NQO2: variants seen among roughly 807,000 people sequenced by gnomAD.
NQO2 encodes the protein N-ribosyldihydronicotinamide:quinone dehydrogenase 2.
Under a neutral mutation model 22.0 loss-of-function variants are expected in NQO2, and 18 were observed. The ratio of observed to expected loss-of-function variants is 0.82; its 90% CI spans 0.56 to 1.21. NQO2 has a LOEUF of 1.21. Ranked by LOEUF, NQO2 falls within the 50% of genes most tolerant of loss-of-function variation. The probability of loss-of-function intolerance (pLI) is 0.00; values close to 1 mark genes in which losing one functional copy is unlikely to be tolerated. For synonymous variants in NQO2, 106 were observed against 110.8 expected, an observed-to-expected ratio of 0.96 and a Z score of 0.28; for missense variants, 267 against 286.9, an observed-to-expected ratio of 0.93 and a Z score of 0.50.
chr6:3,010,189 G>A lies in NQO2; in HGVS notation c.172G>A (p.Gly58Ser). 3 of 1,604,248 alleles carry A rather than the reference G, an allele frequency of 1.9e-6. No homozygotes were observed. The highest frequency in any genetic ancestry group is 2.6e-6 in the Non-Finnish European group (3 of 1,175,086). The change falls in exon 3 of 7, where the codon GGT becomes AGT. Residue 58 changes from glycine (G) to serine (S), a missense_variant and splice_region_variant. Transcript: ENST00000380455. ...GAGGGCCACAGACAAAGATATCACT[G>A]GTGAGTCATGGGATAAATGCTCTAT... The part of the protein sequence containing the change: ...EPRATDKDIT[G>S]TLSNPEVFNY...
chr6:3,006,508 C>A lies in NQO2; in HGVS notation c.-45C>A. ...GAAGAGAGACTACGCAGGAAAGCCC[C>A]AGCCACCCATCAAATCAGAGAGAAG... is the stretch of plus-strand genomic sequence containing the variant. On this transcript the variant is annotated 5_prime_UTR_variant, in exon 2 of 7. Coordinates refer to ENST00000380455, the MANE Select transcript of NQO2 (RefSeq NM_000904.6). The surrounding 1 kb of genome is among the most constrained non-coding windows in gnomAD (Gnocchi z 4.0). 1 of 1,612,948 alleles carries A rather than the reference C, an allele frequency of 6.2e-7. No homozygotes were observed. Among genetic ancestry groups the A allele is most frequent in the South Asian group, 1.1e-5 (1 of 90,804 alleles).
At chr6:3,017,108 A>G in intron 6 of NQO2, 123 bp downstream of exon 6, 1 of 1,103,910 alleles carries the variant, frequency 9.1e-7, no homozygotes, top group Admixed American at 2.1e-5. Context: ...GAGGGGTGAG[A>G]TGAGATGGGA....
intron 6 of NQO2, 52 bp from the exon 7 acceptor site, chr6:3,019,427 T>A: frequency 6.4e-7 from 1 of 1,559,812 alleles, no homozygotes; most frequent in Non-Finnish European, 8.7e-7. Flanking sequence ...AACTGAATGG[T>A]ATGTAACAGG....
In NQO2 at chr6:3,012,946, C is replaced by CTTTTTTTTTTTTTTTTTTTTTTTT. The variant is rs751626888; in HGVS notation, c.303+276_303+299dup. Among the ~76,000 whole-genome samples, 4 of 60,704 alleles carry CTTTTTTTTTTTTTTTTTTTTTTTT rather than the reference C, an allele frequency of 6.6e-5. 1 individual carries two copies. The highest frequency in any genetic ancestry group is 9.1e-5 in the Non-Finnish European group (3 of 32,858). 39.8% of individuals were successfully genotyped at this position (60,704 alleles called of 152,430 possible). On this transcript the variant is annotated intron_variant, in intron 4 of 6. Transcript: ENST00000380455. ...AACACTGTACGTAGATGTAACACTA[C>CTTTTTTTTTTTTTTTTTTTTTTTT]TTTTTTTTTTTTTTTTTTTTTTTTT...
Position 3,010,201 on chromosome 6 carries a change from G to A in NQO2, c.172+12G>A. The A allele has an allele frequency of 1.3e-6, 2 of 1,558,336 alleles. No individual in the cohort carries two copies. The highest frequency in any genetic ancestry group is 1.2e-5 in the South Asian group (1 of 83,816). ...CAAAGATATCACTGGTGAGTCATGG[G>A]ATAAATGCTCTATTTATAAAAACCA... On this transcript the variant is annotated intron_variant, in intron 3 of 6. Coordinates refer to ENST00000380455, the MANE Select transcript of NQO2 (RefSeq NM_000904.6).
At chr6:3,013,886 A>G (rs981244748) in intron 4 of NQO2, among the ~76,000 whole-genome samples, 7 of 152,186 alleles carry the variant, frequency 4.6e-5, no homozygotes, top group African/African-American at 1.7e-4. Context: ...ACAGAGCTGT[A>G]GCTGCTCTCG....
At chr6:3,017,764 G>C (rs917580530) in intron 6 of NQO2, among the ~76,000 whole-genome samples, 1 of 152,132 alleles carries the variant, frequency 6.6e-6, no homozygotes, top group African/African-American at 2.4e-5. Context: ...GGGGTCAACT[G>C]TTCTTCCAGG....
chr6:3,016,836 T>C (rs1757342365), intron 5 of NQO2, 48 bp from the exon 6 acceptor site: 1 of 1,603,162 alleles, frequency 6.2e-7, no homozygotes, highest in African/African-American at 1.3e-5. Flanking sequence ...GCAACATTTC[T>C]GTCCTCTTCT....
chr6:3,005,412 G>GT (rs932457016), intron 1 of NQO2, among the ~76,000 whole-genome samples: 3 of 152,124 alleles, frequency 2.0e-5, no homozygotes, highest in South Asian at 2.1e-4. Context: ...CGTGTGTTTT[G>GT]TTTTTTGGTA....
chr6:3,011,928 A>G (rs1183060106), intron 3 of NQO2, among the ~76,000 whole-genome samples: 1 of 152,258 alleles, frequency 6.6e-6, no homozygotes, highest in Non-Finnish European at 1.5e-5. Flanking sequence ...GAAATGCTAA[A>G]GGGAATTCAA....
intron 6 of NQO2, among the ~76,000 whole-genome samples, chr6:3,018,432 G>C (rs1043921892): frequency 2.0e-5 from 3 of 152,212 alleles, no homozygotes; most frequent in African/African-American, 7.2e-5. Context: ...TTGAACCTGA[G>C]AGACGGAGGT....
At chr6:3,015,167 G>T (rs566847987) in intron 4 of NQO2, 1 of 1,310,152 alleles carries the variant, frequency 7.6e-7, no homozygotes, top group Non-Finnish European at 1.0e-6. Context: ...ACCCCAGGCA[G>T]GCGAAGGGGC....
In NQO2 at chr6:3,006,366, T is replaced by TG. The variant is rs1756949380; in HGVS notation, c.-85-101dup. On this transcript the variant is annotated intron_variant, in intron 1 of 6. Transcript: ENST00000380455. This position sits in a 1 kb window ranked among gnomAD's most constrained non-coding sequence, Gnocchi z 4.0. ...TCTCTTGAGAGGTCTTTCTCTGATG[T>TG]GTTTGCGTGTCTGTCAGGAAGCAGC... 3.3e-5 allele frequency: 46 copies of TG among 1,413,864 alleles called. No homozygotes were observed. Among genetic ancestry groups the TG allele is most frequent in the Non-Finnish European group, 4.1e-5 (44 of 1,083,186 alleles). 87.6% of individuals were successfully genotyped at this position (1,413,864 alleles called of 1,614,324 possible).
chr6:3,019,362 T>C (rs1320811609), intron 6 of NQO2, 117 bp from the exon 7 acceptor site: 21 of 1,453,502 alleles, frequency 1.4e-5, no homozygotes, highest in Non-Finnish European at 1.9e-5. Context: ...ACATTAAGGT[T>C]GTTTCATGAT....
chr6:3,000,096 C>A lies in NQO2; in HGVS notation c.-86+11C>A, dbSNP rs1337154085. 11 of 152,504 alleles carry A rather than the reference C, an allele frequency of 7.2e-5. No individual in the cohort carries two copies. The highest frequency in any genetic ancestry group is 2.4e-4 in the African/African-American group (10 of 41,450). The allele number at this position is 152,504 out of a possible 1,614,324, so 9.4% of individuals were successfully genotyped here. ...TGCGCTGGTCGGAAGGTGAGTGATC[C>A]CCTGTCGGGGACCGGGGGACTTGGG... is the stretch of plus-strand genomic sequence containing the variant. On this transcript the variant is annotated intron_variant, in intron 1 of 6. Transcript: ENST00000380455.
chr6:3,009,267 C>T (rs1757064661), intron 2 of NQO2, among the ~76,000 whole-genome samples: 1 of 152,202 alleles, frequency 6.6e-6, no homozygotes, highest in African/African-American at 2.4e-5. Flanking sequence ...CTCCCATTTG[C>T]TTTTGAAAGA....
chr6:3,000,218 A>T (rs1772911114), intron 1 of NQO2, 133 bp downstream of exon 1: 1 of 152,310 alleles, frequency 6.6e-6, no homozygotes, highest in Non-Finnish European at 1.5e-5. Context: ...GCCAGGGACC[A>T]TTCTGTACAT....
chr6:3,002,418 C>T (rs1581316556), intron 1 of NQO2: 1 of 167,132 alleles, frequency 6.0e-6, no homozygotes, highest in East Asian at 1.9e-4. Flanking sequence ...AAGTGATTCT[C>T]CTGCCTCAGC....
intron 2 of NQO2, among the ~76,000 whole-genome samples, chr6:3,008,317 G>A (rs757637305): frequency 7.2e-5 from 11 of 152,028 alleles, no homozygotes; most frequent in Non-Finnish European, 1.5e-4. Context: ...TACTCAGGAG[G>A]CTGAGGTAGG....
Sources: gnomAD v4.1 joint callset for allele counts (sites outside exome capture counted in the v4.1 genomes callset) on GRCh38, gnomAD v4.1.1 for gene constraint, Gnocchi (gnomAD v3.1) non-coding constraint, MANE v1.5 for transcripts, NCBI Gene and HGNC (gene_info 2026-07-23, HGNC 2026-07-21) for gene names.